TGFBR1: variants seen among roughly 807,000 people sequenced by gnomAD.
TGFBR1 encodes TGF-beta receptor type-1.
In TGFBR1, 20 loss-of-function variants were observed where a neutral mutation model predicts 55.1. The ratio of observed to expected loss-of-function variants is 0.36; its 90% confidence interval spans 0.26 to 0.53. TGFBR1 has a LOEUF of 0.53. TGFBR1 is among the 20% of genes least tolerant of loss of function. The pLI is 0.91. For synonymous variants in TGFBR1, 220 were observed against 214.8 expected (o/e 1.02, Z -0.21); for missense variants, 385 against 617.6 (o/e 0.62, Z 3.99).
intron 1 of TGFBR1, among the ~76,000 whole-genome samples, chr9:99,126,718 T>A (rs1156388967): frequency 6.6e-6 from 1 of 152,150 alleles, no homozygotes; most frequent in East Asian, 1.9e-4. Context: ...TCAGAATTCC[T>A]CCTTAGGAAA....
chr9:99,129,061 A>C lies in TGFBR1; in HGVS notation c.304A>C (p.Asn102His). 2 of 1,613,988 alleles carry C rather than the reference A, an allele frequency of 1.2e-6. No individual in the cohort carries two copies. Among genetic ancestry groups the C allele is most frequent in the South Asian group, 1.1e-5 (1 of 91,080 alleles). The change falls in exon 2 of 9, where the codon AAT (asparagine) becomes CAT (histidine). Residue 102 changes from asparagine to histidine, a missense_variant. Asn to His is a moderately conservative substitution (Grantham distance 68). This residue lies in a region of TGFBR1 where 146 missense variants were observed against 167.7 expected (regional missense o/e 0.87). Transcript: ENST00000374994. ...TGSVTTTYCC[N>H]QDHCNKIELP... is the part of the protein sequence containing the mutation. ...GTCTGTGACTACAACATATTGCTGC[A>C]ATCAGGACCATTGCAATAAAATAGA...
Position 99,142,722 on chromosome 9 carries a change from C to CT in TGFBR1, c.973+20dup, listed in dbSNP as rs768604162. ...ACCCAAGGTAATTCTATAAGCAGTT[C>CT]TATTATTTAAGCTTTAAATTTTCAT... On this transcript the variant is annotated intron_variant, in intron 5 of 8. Transcript: ENST00000374994. 6.2e-7 allele frequency: 1 copy of CT among 1,613,368 alleles called. No individual in the cohort carries two copies. The highest frequency in any genetic ancestry group is 8.5e-7 in the Non-Finnish European group (1 of 1,179,424).
intron 1 of TGFBR1, among the ~76,000 whole-genome samples, chr9:99,110,220 A>G (rs1445660021): frequency 1.3e-5 from 2 of 152,030 alleles, no homozygotes; most frequent in Non-Finnish European, 2.9e-5. Flanking sequence ...CCCTCAAAGA[A>G]CAATTTCTAA....
chr9:99,147,577 C>G, intron 7 of TGFBR1, 77 bp from the exon 8 acceptor site: 3 of 1,358,774 alleles, frequency 2.2e-6, no homozygotes, highest in Non-Finnish European at 3.1e-6. Flanking sequence ...TGTAATAGGT[C>G]TCTCAGGTGA....
chr9:99,146,417 AAGG>A, intron 6 of TGFBR1, 65 bp from the exon 7 acceptor site: 1 of 1,578,238 alleles, frequency 6.3e-7, no homozygotes, highest in Non-Finnish European at 8.7e-7. Flanking sequence ...AAATGTCTGA[AAGG>A]AGGTTCATCC....
At chr9:99,137,045 G>GT (rs1207973827) in intron 3 of TGFBR1, among the ~76,000 whole-genome samples, 1 of 152,140 alleles carries the variant, frequency 6.6e-6, no homozygotes, top group African/African-American at 2.4e-5. Context: ...TTTAAATGAA[G>GT]TAAGTATGGC....
At position 99,110,562 on chromosome 9, in the gene TGFBR1, A is replaced by G. The variant is rs1423411008; in HGVS notation, c.97+5260A>G. Among the ~76,000 whole-genome samples the G allele has an allele frequency of 2.0e-5, 3 of 152,214 alleles. No homozygotes were observed. In the East Asian group the frequency reaches 5.8e-4, roughly 29 times the overall value. ...TCGGCTCTACCCCAAGATTCTTTTCAACTCTAAACATTATCCAAAGGTGTT... is the reference window on the plus strand; with the variant it reads ...TCGGCTCTACCCCAAGATTCTTTTCGACTCTAAACATTATCCAAAGGTGTT... On this transcript the variant is annotated intron_variant, in intron 1 of 8. Coordinates refer to ENST00000374994, the MANE Select transcript of TGFBR1 (RefSeq NM_004612.4).
At chr9:99,140,337 C>T (rs1408248116) in intron 4 of TGFBR1, among the ~76,000 whole-genome samples, 1 of 152,124 alleles carries the variant, frequency 6.6e-6, no homozygotes, top group Non-Finnish European at 1.5e-5. Flanking sequence ...TGCCTATAAT[C>T]CCAGCTACTT....
At chr9:99,110,786 C>A (rs976082963) in intron 1 of TGFBR1, among the ~76,000 whole-genome samples, 20 of 152,308 alleles carry the variant, frequency 1.3e-4, no homozygotes, top group African/African-American at 4.8e-4. Flanking sequence ...TGAAAGAAGA[C>A]CCTCTTTGTT....
chr9:99,137,611 A>G (rs1018946205), intron 3 of TGFBR1, among the ~76,000 whole-genome samples: 1 of 152,136 alleles, frequency 6.6e-6, no homozygotes, highest in Non-Finnish European at 1.5e-5. Context: ...TCAAAATTCA[A>G]CTTACTTTTA....
At chr9:99,114,251 G>GCT (rs1433358568) in intron 1 of TGFBR1, among the ~76,000 whole-genome samples, 2,882 of 152,170 alleles carry the variant, frequency 0.019, 89 homozygotes, top group African/African-American at 0.066. Flanking sequence ...AGTCAAAAAG[G>GCT]GAAAGAAAAA....
In TGFBR1 at chr9:99,137,986, C is replaced by T. The variant is rs202156059; in HGVS notation, c.702C>T (p.Phe234=). 3 of 1,614,022 alleles carry T rather than the reference C, an allele frequency of 1.9e-6. No homozygotes were observed. The highest frequency in any genetic ancestry group is 2.5e-6 in the Non-Finnish European group (3 of 1,179,968). Residue 234 remains phenylalanine, a synonymous_variant, in exon 4 of 9, where the codon TTC becomes TTT. Coordinates refer to ENST00000374994, the MANE Select transcript of TGFBR1 (RefSeq NM_004612.4). ...WRGEEVAVKI[F]SSREERSWFR... is the part of the protein sequence containing the mutation. ...GAGAAGAAGTTGCTGTTAAGATATT[C>T]TCCTCTAGAGAAGAACGTTCGTGGT...
chr9:99,116,357 G>A (rs12352211), intron 1 of TGFBR1, among the ~76,000 whole-genome samples: 1 of 152,156 alleles, frequency 6.6e-6, no homozygotes, highest in Non-Finnish European at 1.5e-5. Flanking sequence ...AACAGGCTCA[G>A]AATTAGCTGT....
Position 99,144,834 on chromosome 9 carries a change from A to G in TGFBR1, c.1076A>G (p.Asp359Gly). 6.2e-7 allele frequency: 1 copy of G among 1,614,038 alleles called. No homozygotes were observed. Among genetic ancestry groups the G allele is most frequent in the Non-Finnish European group, 8.5e-7 (1 of 1,179,918 alleles). ...GACTTAGGACTGGCAGTAAGACATG[A>G]TTCAGCCACAGATACCATTGATATT... ...IADLGLAVRH[D>G]SATDTIDIAP... Residue 359 changes from aspartate to glycine, a missense_variant, in exon 6 of 9, where the codon GAT (aspartate) becomes GGT (glycine). By Grantham distance (94) the Asp-to-Gly change is moderately conservative (BLOSUM62 -1). Transcript: ENST00000374994.
chr9:99,138,820 A>G (rs1250108129), intron 4 of TGFBR1, among the ~76,000 whole-genome samples: 1 of 149,626 alleles, frequency 6.7e-6, no homozygotes, highest in Non-Finnish European at 1.5e-5. Flanking sequence ...TTTTTTTGAG[A>G]TGGAATCTCG....
chr9:99,154,167 T>C lies in TGFBR1; in HGVS notation c.*4862T>C. 4.5e-6 allele frequency: 1 copy of C among 223,158 alleles called. No homozygotes were observed. The highest frequency in any genetic ancestry group is 2.2e-5 in the African/African-American group (1 of 44,794). The allele number at this position is 223,158 out of a possible 1,614,324, so 13.8% of individuals were successfully genotyped here. On this transcript the variant is annotated 3_prime_UTR_variant, in exon 9 of 9. Transcript: ENST00000374994. ...CTTTTGTTGAAAGTTGGAAAAAAAGTGAAATTAAAGACATTCCCAGACAAA... is the reference window on the plus strand; with the variant it reads ...CTTTTGTTGAAAGTTGGAAAAAAAGCGAAATTAAAGACATTCCCAGACAAA...
Position 99,142,721 on chromosome 9 carries a change from T to G in TGFBR1, c.973+18T>G. The G allele has an allele frequency of 6.2e-7, 1 of 1,613,602 alleles. No individual in the cohort carries two copies. Among genetic ancestry groups the G allele is most frequent in the Non-Finnish European group, 8.5e-7 (1 of 1,179,564 alleles). On this transcript the variant is annotated intron_variant, in intron 5 of 8. Coordinates refer to ENST00000374994, the MANE Select transcript of TGFBR1 (RefSeq NM_004612.4). ...TACCCAAGGTAATTCTATAAGCAGT[T>G]CTATTATTTAAGCTTTAAATTTTCA... is the stretch of plus-strand genomic sequence containing the variant.
intron 2 of TGFBR1, among the ~76,000 whole-genome samples, chr9:99,130,348 G>T (rs1353086006): frequency 1.3e-5 from 2 of 152,166 alleles, no homozygotes; most frequent in Admixed American, 6.5e-5. Flanking sequence ...ACTCAAAGTT[G>T]GTCCAGGCCT....
At chr9:99,119,227 C>T (rs771353517) in intron 1 of TGFBR1, among the ~76,000 whole-genome samples, 12 of 152,174 alleles carry the variant, frequency 7.9e-5, no homozygotes, top group African/African-American at 2.4e-4. Context: ...TCCTCTGCCC[C>T]GAGTCAATGG....
Sources: gnomAD v4.1 joint callset for allele counts (sites outside exome capture counted in the v4.1 genomes callset) on GRCh38, gnomAD v4.1.1 for gene constraint, gnomAD v4.1.1 regional missense constraint, MANE v1.5 for transcripts, NCBI Gene and HGNC (gene_info 2026-07-23, HGNC 2026-07-21) for gene names.